The following MTF2 variants were observed in gnomAD, a reference collection of about 807,000 sequenced individuals.
The protein encoded by MTF2 is metal-response element-binding transcription factor 2.
Under a neutral mutation model 79.5 loss-of-function variants are expected in MTF2, and 11 were observed. The ratio of observed to expected loss-of-function variants is 0.14; its 90% CI spans 0.09 to 0.23. MTF2 has a LOEUF of 0.23. Ranked by LOEUF, MTF2 falls within the 10% of genes least tolerant of loss-of-function variation. The pLI is 1.00. For missense variants in MTF2, 486 were observed against 711.2 expected, an observed-to-expected ratio of 0.68 and a Z score of 3.60; for synonymous variants, 208 against 232.8, an observed-to-expected ratio of 0.89 and a Z score of 0.97.
chr1:93,129,898 T>C (rs1193017923), intron 11 of MTF2, among the ~76,000 whole-genome samples: 2 of 152,208 alleles, frequency 1.3e-5, no homozygotes, highest in African/African-American at 2.4e-5. Flanking sequence ...AGTTACAGAT[T>C]ATGCTAGTGC....
At position 93,137,129 on chromosome 1, in the gene MTF2, AAAAGTC is replaced by A; in HGVS notation, c.*106_*111del. 1 of 1,027,006 alleles carries A rather than the reference AAAAGTC, an allele frequency of 9.7e-7. No homozygotes were observed. Among genetic ancestry groups the A allele is most frequent in the Non-Finnish European group, 1.4e-6 (1 of 718,078 alleles). The allele number at this position is 1,027,006 out of a possible 1,614,324, so 63.6% of individuals were successfully genotyped here. A position where few individuals can be genotyped will look rare whatever the true frequency, so the allele number is the denominator to read the frequency against. On this transcript the variant is annotated 3_prime_UTR_variant, in exon 15 of 15. Coordinates refer to ENST00000370298, the MANE Select transcript of MTF2 (RefSeq NM_007358.4). Reference sequence around the variant, plus strand: ...TTTACTATCTTTCTTAAAAAAAAAAAAAAGTCAAAAAAATTCAAAAAAGGGGATGAT... The same window carrying A: ...TTTACTATCTTTCTTAAAAAAAAAAAAAAAAAATTCAAAAAAGGGGATGAT...
intron 11 of MTF2, among the ~76,000 whole-genome samples, chr1:93,131,556 C>A (rs1314491149): frequency 2.6e-5 from 4 of 152,164 alleles, no homozygotes; most frequent in Middle Eastern, 3.4e-3. Context: ...AGGAAACTAT[C>A]TTTAAGGATC....
At chr1:93,102,870 G>A (rs1280562537) in intron 1 of MTF2, among the ~76,000 whole-genome samples, 2 of 152,070 alleles carry the variant, frequency 1.3e-5, no homozygotes, top group Non-Finnish European at 2.9e-5. Context: ...GGTGGCTCAC[G>A]CCTGTAATCC....
chr1:93,116,044 G>A (rs145070125), intron 6 of MTF2, among the ~76,000 whole-genome samples: 2,682 of 152,206 alleles, frequency 0.018, 40 homozygotes, highest in Non-Finnish European at 0.029. Flanking sequence ...CTTTTTCACA[G>A]ATAGATTACT....
intron 14 of MTF2, chr1:93,134,579 C>T (rs772425445): frequency 7.2e-5 from 12 of 166,716 alleles, no homozygotes; most frequent in South Asian, 1.5e-4. Context: ...GGCTAGAGTG[C>T]GGTGGCACAA....
At chr1:93,083,236 CA>C (rs926618806) in intron 1 of MTF2, among the ~76,000 whole-genome samples, 1 of 152,108 alleles carries the variant, frequency 6.6e-6, no homozygotes, top group African/African-American at 2.4e-5. Flanking sequence ...ATGAGAACAG[CA>C]GGGGGGAAAA....
chr1:93,103,801 G>GGGA lies in MTF2; in HGVS notation c.6-6425_6-6423dup, dbSNP rs1170461293. Among the ~76,000 whole-genome samples, 3 of 152,308 alleles carry GGGA rather than the reference G, an allele frequency of 2.0e-5. No individual in the cohort carries two copies. In the East Asian group the frequency reaches 5.8e-4, roughly 29 times the overall value. The stretch of plus-strand genomic sequence containing the variant: ...AAACTGCATAGAGGAAAACCCTTAG[G>GGGA]GGAGGAAAATGTGCAACGATGTTTA... On this transcript the variant is annotated intron_variant, in intron 1 of 14. Transcript: ENST00000370298.
chr1:93,107,816 TG>T (rs1259289450), intron 1 of MTF2, among the ~76,000 whole-genome samples: 3 of 152,168 alleles, frequency 2.0e-5, no homozygotes, highest in African/African-American at 7.2e-5. Context: ...GTTCTCTCTC[TG>T]TTGCTCAGGC....
intron 9 of MTF2, 151 bp from the exon 10 acceptor site, chr1:93,127,081 A>G (rs577067004): frequency 1.7e-6 from 1 of 592,788 alleles, no homozygotes; most frequent in East Asian, 2.8e-5. Context: ...TAGGTCACAT[A>G]ATAGTCAGTG....
intron 4 of MTF2, 96 bp downstream of exon 4, chr1:93,114,879 C>A: frequency 8.2e-7 from 1 of 1,212,508 alleles, no homozygotes; most frequent in Non-Finnish European, 1.2e-6. Context: ...TGAAATTATC[C>A]TTTTTATTAA....
At position 93,137,449 on chromosome 1, in the gene MTF2, T is replaced by A. The variant is rs187924217; in HGVS notation, c.*422T>A. The A allele has an allele frequency of 1.3e-5, 2 of 158,134 alleles. No individual in the cohort carries two copies. The highest frequency in any genetic ancestry group is 3.7e-4 in the East Asian group (2 of 5,440). The allele number at this position is 158,134 out of a possible 1,614,324, so 9.8% of individuals were successfully genotyped here. A position where few individuals can be genotyped will look rare whatever the true frequency, so the allele number is the denominator to read the frequency against. On this transcript the variant is annotated 3_prime_UTR_variant, in exon 15 of 15. Transcript: ENST00000370298. Reference sequence around the variant, plus strand: ...TTACCAAAATGTTGGAAAAATTTATTTCAATACCTTTTAGATTTCATAAAG... The same window carrying A: ...TTACCAAAATGTTGGAAAAATTTATATCAATACCTTTTAGATTTCATAAAG...
chr1:93,121,002 CT>C, intron 9 of MTF2: 1 of 1,040,992 alleles, frequency 9.6e-7, no homozygotes, highest in Non-Finnish European at 1.2e-6. Context: ...GTTCAACCTC[CT>C]TTTCTTCTAA....
intron 1 of MTF2, among the ~76,000 whole-genome samples, chr1:93,097,678 A>C (rs967335849): frequency 1.3e-5 from 2 of 151,810 alleles, no homozygotes; most frequent in East Asian, 1.9e-4. Context: ...GCTCACTGCA[A>C]CCTCCACCTC....
intron 6 of MTF2, 128 bp downstream of exon 6, chr1:93,115,746 GA>G (rs1248279802): frequency 1.6e-6 from 1 of 622,560 alleles, no homozygotes; most frequent in Non-Finnish European, 2.4e-6. Flanking sequence ...AAACCAGGGG[GA>G]AAATCTATTA....
At chr1:93,082,390 C>T (rs1459121991) in intron 1 of MTF2, among the ~76,000 whole-genome samples, 4 of 151,756 alleles carry the variant, frequency 2.6e-5, no homozygotes, top group East Asian at 1.9e-4. Flanking sequence ...AAGTGATCCT[C>T]CTGCCTTAGC....
intron 10 of MTF2, 28 bp downstream of exon 10, chr1:93,127,327 A>G (rs777271413): frequency 7.1e-5 from 97 of 1,370,668 alleles, no homozygotes; most frequent in Non-Finnish European, 9.8e-5. Context: ...ATGTATCCCT[A>G]TGAGGGAGAC....
At chr1:93,124,158 C>T (rs1356617935) in intron 9 of MTF2, among the ~76,000 whole-genome samples, 1 of 151,768 alleles carries the variant, frequency 6.6e-6, no homozygotes, top group Admixed American at 6.6e-5. Context: ...TACATTGTTT[C>T]CTTATGTAGT....
intron 1 of MTF2, among the ~76,000 whole-genome samples, chr1:93,098,229 A>G (rs1260220551): frequency 6.6e-6 from 1 of 152,156 alleles, no homozygotes; most frequent in Non-Finnish European, 1.5e-5. Context: ...TCATCTCTGA[A>G]ACTACTACTC....
Position 93,133,753 on chromosome 1 carries a change from G to C in MTF2, c.1211G>C (p.Arg404Pro). The change falls in exon 12 of 15, where the codon CGT becomes CCT. Residue 404 changes from arginine to proline, a missense_variant. By Grantham distance (103) the Arg-to-Pro change is moderately radical (BLOSUM62 -2). Transcript: ENST00000370298. ...EKKGKKKSVG[R>P]PPGPYTRKMI... ...AAAGGAAAGAAAAAATCTGTAGGTC[G>C]TCCACCTGGCCCATATACAAGAAAA... The C allele has an allele frequency of 6.2e-7, 1 of 1,612,244 alleles. No homozygotes were observed. The highest frequency in any genetic ancestry group is 8.5e-7 in the Non-Finnish European group (1 of 1,179,362).
Sources: gnomAD v4.1 joint callset for allele counts (sites outside exome capture counted in the v4.1 genomes callset) on GRCh38, gnomAD v4.1.1 for gene constraint, MANE v1.5 for transcripts, NCBI Gene and HGNC (gene_info 2026-07-23, HGNC 2026-07-21) for gene names.